NBPF3: variants seen among roughly 807,000 people sequenced by gnomAD.
NBPF3 encodes NBPF member 3, also known as NBPF family member NBPF3.
NBPF3 carries 57 observed loss-of-function variants against 78.1 expected under a neutral mutation model. That is an observed-to-expected ratio of 0.73 (90% CI 0.59 to 0.91). The LOEUF is 0.91. NBPF3 is among the 40% of genes least tolerant of loss of function. The pLI is 0.00. For synonymous variants in NBPF3, 182 were observed against 271.7 expected (o/e 0.67, Z 3.25); for missense variants, 510 against 715.3 (o/e 0.71, Z 3.27).
Position 21,460,340 on chromosome 1 carries a change from A to G in NBPF3, c.134-8348A>G, listed in dbSNP as rs1304371643. On this transcript the variant is annotated intron_variant, in intron 2 of 14. Coordinates refer to ENST00000318249, the MANE Select transcript of NBPF3 (RefSeq NM_032264.6). This position sits in a 1 kb window ranked among gnomAD's most constrained non-coding sequence, Gnocchi z 4.2. The stretch of plus-strand genomic sequence containing the variant: ...CTGCACCCATTAACTCGTCATTTAC[A>G]TTCGGTATTTCTCCTAATGCTATCC... 1.3e-5 allele frequency among the ~76,000 whole-genome samples: 2 copies of G among 152,160 alleles called. No individual in the cohort carries two copies. Among genetic ancestry groups the G allele is most frequent in the East Asian group, 3.9e-4 (2 of 5,194 alleles).
At chr1:21,454,770 T>C (rs1641504686) in intron 2 of NBPF3, among the ~76,000 whole-genome samples, 1 of 152,180 alleles carries the variant, frequency 6.6e-6, no homozygotes, top group Non-Finnish European at 1.5e-5. Context: ...CCTTCTCCAT[T>C]TTATTTGTAT....
intron 2 of NBPF3, chr1:21,452,056 T>C (rs888466920): frequency 3.2e-5 from 5 of 155,182 alleles, no homozygotes; most frequent in Admixed American, 2.6e-4. Flanking sequence ...ATGATGTCCT[T>C]GTACAACAAT....
At chr1:21,474,210 C>CTTTTTTTT (rs11453851) in intron 7 of NBPF3, among the ~76,000 whole-genome samples, 2 of 143,886 alleles carry the variant, frequency 1.4e-5, no homozygotes, top group Admixed American at 1.4e-4. Context: ...TTTTCTTTTT[C>CTTTTTTTT]TTTTTTTTTT....
At position 21,445,090 on chromosome 1, in the gene NBPF3, C is replaced by A; in HGVS notation, c.4C>A (p.Pro2Thr). Residue 2 changes from proline to threonine, a missense_variant, in exon 2 of 15, where the codon CCA becomes ACA. Pro to Thr is a conservative substitution (Grantham distance 38). Around this residue, in one of 5 missense-constraint regions of NBPF3, gnomAD observed 440 missense variants for 478.2 expected, o/e 0.92. Transcript: ENST00000318249. ...GCTCTTGGCCTCCACACTGGGGATG[C>A]CACTGACTCCCACTGTCCAGGGCTT... M[P>T]LTPTVQGFQW... 6.2e-7 allele frequency: 1 copy of A among 1,610,976 alleles called. No individual in the cohort carries two copies. The highest frequency in any genetic ancestry group is 8.5e-7 in the Non-Finnish European group (1 of 1,179,248).
intron 3 of NBPF3, among the ~76,000 whole-genome samples, chr1:21,469,589 G>T (rs2147983656): frequency 6.6e-6 from 1 of 152,258 alleles, no homozygotes; most frequent in East Asian, 1.9e-4. Flanking sequence ...GCTGGGCGTG[G>T]TGGCGGGCGC....
Position 21,468,803 on chromosome 1 carries a change from G to C in NBPF3, c.249G>C (p.Gln83His), listed in dbSNP as rs746171751. The C allele has an allele frequency of 3.1e-6, 5 of 1,614,122 alleles. No individual in the cohort carries two copies. The South Asian group carries it at 4.4e-5, about 14-fold the overall frequency. ...AAATCAACAAGAAATCGCGCCCCCA[G>C]CTGGCAGAGAACAAACAGCAGTTCA... is the stretch of plus-strand genomic sequence containing the variant. ...ILEINKKSRP[Q>H]LAENKQQFRN... Residue 83 changes from glutamine (Q) to histidine (H), a missense_variant, in exon 3 of 15, where the codon CAG becomes CAC. By Grantham distance (24) the Gln-to-His change is conservative. Coordinates refer to ENST00000318249, the MANE Select transcript of NBPF3 (RefSeq NM_032264.6).
chr1:21,459,428 T>C (rs1388552845), intron 2 of NBPF3, among the ~76,000 whole-genome samples: 1 of 152,180 alleles, frequency 6.6e-6, no homozygotes, highest in Non-Finnish European at 1.5e-5. Flanking sequence ...TTTATTTTAG[T>C]AGAATCTTTT....
intron 2 of NBPF3, among the ~76,000 whole-genome samples, chr1:21,447,012 T>C (rs1317690847): frequency 6.6e-6 from 1 of 152,236 alleles, no homozygotes; most frequent in African/African-American, 2.4e-5. Flanking sequence ...TCCAGGTTGG[T>C]GCACTTCAAT....
intron 2 of NBPF3, among the ~76,000 whole-genome samples, chr1:21,455,694 C>T (rs1641560282): frequency 6.6e-6 from 1 of 152,202 alleles, no homozygotes; most frequent in South Asian, 2.1e-4. Context: ...CTGCAATCTG[C>T]AGGGCAGGGC....
intron 2 of NBPF3, among the ~76,000 whole-genome samples, chr1:21,454,887 C>T (rs564064219): frequency 7.9e-5 from 12 of 152,312 alleles, no homozygotes; most frequent in African/African-American, 2.9e-4. Context: ...GGCCTGGATT[C>T]GCTGGGTCTT....
chr1:21,436,850 CG>C (rs1640435966), upstream of NBPF3: 11 of 561,550 alleles, frequency 2.0e-5, no homozygotes, highest in Admixed American at 6.3e-5. The surrounding 1 kb of genome is among the most constrained non-coding windows in gnomAD (Gnocchi z 4.3). Context: ...GCCAGAGGCC[CG>C]GGGGGAGGGG....
chr1:21,469,811 C>T (rs1239517523), intron 3 of NBPF3, among the ~76,000 whole-genome samples: 3 of 152,268 alleles, frequency 2.0e-5, no homozygotes, highest in Admixed American at 6.5e-5. Flanking sequence ...GGATCGCACC[C>T]GAGATTGTGT....
chr1:21,455,882 G>A (rs1641572816), intron 2 of NBPF3, among the ~76,000 whole-genome samples: 2 of 152,184 alleles, frequency 1.3e-5, no homozygotes, highest in African/African-American at 4.8e-5. Context: ...GAGGAGGGTT[G>A]GGGAATGTAT....
chr1:21,469,161 G>A (rs1199510054), intron 3 of NBPF3, among the ~76,000 whole-genome samples: 3 of 152,174 alleles, frequency 2.0e-5, no homozygotes. Flanking sequence ...AGAACGACCT[G>A]TTTTCTCCAA....
rs761950343 is a variant in NBPF3 at position 21,445,041 on chromosome 1, G to A, written c.-46G>A. On this transcript the variant is annotated 5_prime_UTR_variant, in exon 2 of 15. Coordinates refer to ENST00000318249, the MANE Select transcript of NBPF3 (RefSeq NM_032264.6). ...ATTGTCCCTTGCCGTCCTCCTGAGG[G>A]TATCTGGAGCTTCAGTGCTGTGTGC... 76 of 1,584,992 alleles carry A rather than the reference G, an allele frequency of 4.8e-5. No homozygotes were observed. The highest frequency in any genetic ancestry group is 4.6e-4 in the Middle Eastern group (2 of 4,342).
chr1:21,450,603 C>T (rs911450961), intron 2 of NBPF3, among the ~76,000 whole-genome samples: 2 of 152,154 alleles, frequency 1.3e-5, no homozygotes, highest in Non-Finnish European at 2.9e-5. Flanking sequence ...CACTCACATT[C>T]CCCCAACTGC....
chr1:21,456,365 T>G (rs1641602825), intron 2 of NBPF3, among the ~76,000 whole-genome samples: 1 of 152,336 alleles, frequency 6.6e-6, no homozygotes, highest in Admixed American at 6.5e-5. Context: ...CTTAGTATTT[T>G]CTGTCCTTTC....
intron 2 of NBPF3, among the ~76,000 whole-genome samples, chr1:21,456,680 AAAACT>A (rs1302220793): frequency 6.6e-6 from 1 of 152,294 alleles, no homozygotes; most frequent in East Asian, 1.9e-4. Flanking sequence ...CAAACCCCAG[AAAACT>A]CAGCATGATA....
upstream of NBPF3, among the ~76,000 whole-genome samples, chr1:21,439,253 A>T (rs1430223332): frequency 6.6e-6 from 1 of 152,086 alleles, no homozygotes; most frequent in Admixed American, 6.5e-5. Context: ...CACTCCAGCA[A>T]GGGTGACAGA....
Sources: allele counts gnomAD v4.1 joint callset (sites outside exome capture counted in the v4.1 genomes callset), GRCh38; gene constraint gnomAD v4.1.1; regional missense constraint gnomAD v4.1.1; non-coding constraint Gnocchi (gnomAD v3.1); transcripts MANE v1.5; gene names NCBI Gene and HGNC (gene_info 2026-07-23, HGNC 2026-07-21).